The following TTC39C variants were observed in gnomAD, a reference collection of about 807,000 sequenced individuals.
The protein encoded by TTC39C is tetratricopeptide repeat protein 39C.
In TTC39C, 33 loss-of-function variants were observed where a neutral mutation model predicts 76.3. The observed-to-expected ratio is 0.43, with a 90% CI of 0.33 to 0.58. TTC39C has a LOEUF of 0.58. Among genes scored for constraint, TTC39C ranks in the 20% least tolerant of loss-of-function variants. The pLI, the probability that TTC39C is intolerant of heterozygous loss-of-function variation, is 0.04. For synonymous variants in TTC39C, 254 were observed against 260.6 expected (o/e 0.97, Z 0.24); for missense variants, 595 against 701.4 (o/e 0.85, Z 1.71).
chr18:24,100,005 A>G (rs1347391058), intron 6 of TTC39C, among the ~76,000 whole-genome samples: 1 of 152,160 alleles, frequency 6.6e-6, no homozygotes, highest in Non-Finnish European at 1.5e-5. Flanking sequence ...TTTGAGAGAG[A>G]GAGATTGATT....
intron 6 of TTC39C, among the ~76,000 whole-genome samples, chr18:24,102,216 C>T (rs2084685430): frequency 6.6e-6 from 1 of 152,202 alleles, no homozygotes; most frequent in East Asian, 1.9e-4. Flanking sequence ...ATGTCAGAAT[C>T]CTGCCATGAC....
chr18:24,055,768 T>A (rs1452468206), intron 1 of TTC39C, among the ~76,000 whole-genome samples: 3 of 152,190 alleles, frequency 2.0e-5, no homozygotes, highest in Admixed American at 1.3e-4. Context: ...TATACTTTCA[T>A]TACCTGTGCT....
At position 24,134,255 on chromosome 18, in the gene TTC39C, C is replaced by CTTTT. The variant is rs1568450608; in HGVS notation, c.*1682_*1683insTTTT. On this transcript the variant is annotated 3_prime_UTR_variant, in exon 14 of 14. Transcript: ENST00000317571. The stretch of plus-strand genomic sequence containing the variant: ...ATTGGTGCCCAAAAATATTGGACAT[C>CTTTT]TGTTTTTTGTTTTTTTTTTTTTTTT... The CTTTT allele has an allele frequency of 2.1e-5, 1 of 46,708 alleles. No individual in the cohort carries two copies. Among genetic ancestry groups the CTTTT allele is most frequent in the Non-Finnish European group, 3.9e-5 (1 of 25,962 alleles). 2.9% of individuals were successfully genotyped at this position (46,708 alleles called of 1,614,324 possible). A position where few individuals can be genotyped will look rare whatever the true frequency, so the allele number is the denominator to read the frequency against.
intron 1 of TTC39C, among the ~76,000 whole-genome samples, chr18:24,062,871 C>G (rs2084116598): frequency 6.6e-6 from 1 of 152,146 alleles, no homozygotes; most frequent in Admixed American, 6.5e-5. Context: ...TATATTTGGC[C>G]TTGCCTGCAA....
At chr18:24,132,453 G>A (rs1010774795) in intron 13 of TTC39C, 32 bp from the exon 14 acceptor site, 1 of 1,597,754 alleles carries the variant, frequency 6.3e-7, no homozygotes, top group Middle Eastern at 1.7e-4. Context: ...TTAGCTAACA[G>A]AGTGCATAAA....
intron 4 of TTC39C, among the ~76,000 whole-genome samples, chr18:24,073,266 C>T (rs1238630742): frequency 2.6e-5 from 4 of 152,186 alleles, no homozygotes; most frequent in Non-Finnish European, 4.4e-5. Flanking sequence ...TGGTGGGCCT[C>T]ACCTGCAAGG....
intron 6 of TTC39C, among the ~76,000 whole-genome samples, chr18:24,097,422 A>G (rs1311716956): frequency 2.6e-5 from 4 of 152,196 alleles, no homozygotes; most frequent in African/African-American, 9.7e-5. Flanking sequence ...CAGGATCTTG[A>G]TCCCACTTAT....
chr18:24,121,915 T>C (rs1002210348), intron 8 of TTC39C, among the ~76,000 whole-genome samples: 7 of 152,324 alleles, frequency 4.6e-5, no homozygotes. Context: ...ATGTTACAGC[T>C]GCAATTGATA....
chr18:24,111,567 A>T (rs1436215252), intron 6 of TTC39C, among the ~76,000 whole-genome samples: 1 of 6,574 alleles, frequency 1.5e-4, no homozygotes, highest in Non-Finnish European at 6.7e-4. Flanking sequence ...GACTCTGTCT[A>T]AAAAAAAAAA....
intron 11 of TTC39C, among the ~76,000 whole-genome samples, chr18:24,129,940 T>C (rs1011472017): frequency 6.6e-6 from 1 of 152,230 alleles, no homozygotes; most frequent in Non-Finnish European, 1.5e-5. Context: ...GCTAGCAAGA[T>C]ACAGTCAAGA....
intron 1 of TTC39C, among the ~76,000 whole-genome samples, chr18:24,017,529 G>T (rs906832368): frequency 2.6e-5 from 4 of 152,172 alleles, no homozygotes; most frequent in Non-Finnish European, 5.9e-5. Context: ...TTTTCTTCTT[G>T]ACTGCATAGT....
intron 6 of TTC39C, among the ~76,000 whole-genome samples, chr18:24,101,705 C>G (rs1405385682): frequency 6.6e-6 from 1 of 152,178 alleles, no homozygotes; most frequent in Non-Finnish European, 1.5e-5. Context: ...CATATTAGGT[C>G]TTCTCGGCTT....
At chr18:24,113,583 A>G in intron 6 of TTC39C, 2 of 702,370 alleles carry the variant, frequency 2.8e-6, no homozygotes, top group Non-Finnish European at 5.2e-6. Context: ...GAGCCCTGGC[A>G]CCAGCAGAGC....
At chr18:24,029,125 C>A (rs578209187) in intron 1 of TTC39C, among the ~76,000 whole-genome samples, 4 of 135,748 alleles carry the variant, frequency 2.9e-5, no homozygotes, top group Non-Finnish European at 6.5e-5. Flanking sequence ...TTGTGTGAGA[C>A]GGAGTCTTGC....
Position 24,130,401 on chromosome 18 carries a change from T to A in TTC39C, c.1607T>A (p.Leu536Gln). ...GCCTGTTATGAACTTGGCTGTCTTCTATTAGACAAACCAGAGGTAAGATCT... is the reference window on the plus strand; with the variant it reads ...GCCTGTTATGAACTTGGCTGTCTTCAATTAGACAAACCAGAGGTAAGATCT... The part of the protein sequence containing the change: ...PYACYELGCL[L>Q]LDKPETVGRG... Residue 536 changes from leucine (L) to glutamine (Q), a missense_variant, in exon 12 of 14, where the codon CTA becomes CAA. Leu to Gln is a moderately radical substitution (Grantham distance 113). Coordinates refer to ENST00000317571, the MANE Select transcript of TTC39C (RefSeq NM_001135993.2). 6.5e-7 allele frequency: 1 copy of A among 1,529,260 alleles called. No individual in the cohort carries two copies. Among genetic ancestry groups the A allele is most frequent in the Non-Finnish European group, 8.9e-7 (1 of 1,128,852 alleles). 94.7% of individuals were successfully genotyped at this position (1,529,260 alleles called of 1,614,324 possible).
At chr18:24,066,831 G>A (rs1320035249) in intron 3 of TTC39C, among the ~76,000 whole-genome samples, 1 of 152,178 alleles carries the variant, frequency 6.6e-6, no homozygotes, top group Non-Finnish European at 1.5e-5. Flanking sequence ...TGGGCCAAGT[G>A]TCCCGCCTCC....
intron 9 of TTC39C, among the ~76,000 whole-genome samples, chr18:24,124,483 G>A (rs1009328831): frequency 1.3e-5 from 2 of 152,112 alleles, no homozygotes; most frequent in African/African-American, 4.8e-5. Context: ...AAAAGCAAAT[G>A]TGTGTGTCAC....
intron 6 of TTC39C, chr18:24,113,853 C>T (rs2084852309): frequency 3.3e-6 from 2 of 609,798 alleles, no homozygotes; most frequent in Non-Finnish European, 5.9e-6. Context: ...TGAGAGTTTG[C>T]TGGGTCCCAG....
intron 1 of TTC39C, among the ~76,000 whole-genome samples, chr18:24,051,861 C>T (rs1055176210): frequency 1.3e-5 from 2 of 152,198 alleles, no homozygotes; most frequent in Admixed American, 6.5e-5. Context: ...TTTTGTAGGA[C>T]GTGGTTGGTT....
Sources: gnomAD v4.1 joint callset for allele counts (sites outside exome capture counted in the v4.1 genomes callset) on GRCh38, gnomAD v4.1.1 for gene constraint, MANE v1.5 for transcripts, NCBI Gene and HGNC (gene_info 2026-07-23, HGNC 2026-07-21) for gene names.